Variants in CALCR observed in about 807,000 individuals in gnomAD.
CALCR encodes the protein calcitonin receptor.
A neutral mutation model predicts 59.5 loss-of-function variants in CALCR; 47 were observed. The observed-to-expected ratio is 0.79, with a 90% confidence interval of 0.63 to 1.01. The LOEUF is 1.01. Among genes scored for constraint, CALCR ranks in the 50% least tolerant of loss-of-function variants. The pLI, the probability that CALCR is intolerant of heterozygous loss-of-function variation, is 0.00. For synonymous variants in CALCR, 213 were observed against 211.3 expected (o/e 1.01, Z -0.07); for missense variants, 566 against 597.1 (o/e 0.95, Z 0.54).
intron 8 of CALCR, among the ~76,000 whole-genome samples, chr7:93,450,997 TC>T (rs986956180): frequency 1.3e-5 from 2 of 151,858 alleles, no homozygotes; most frequent in African/African-American, 4.8e-5. Flanking sequence ...GTAATCTTTT[TC>T]CCCCAATTTA....
chr7:93,528,546 C>T (rs562236081), intron 2 of CALCR, among the ~76,000 whole-genome samples: 4 of 152,020 alleles, frequency 2.6e-5, no homozygotes, highest in East Asian at 1.9e-4. Flanking sequence ...TTTGTCCTTG[C>T]GATAGTTTGC....
At chr7:93,523,569 T>C (rs928093819) in intron 2 of CALCR, among the ~76,000 whole-genome samples, 4 of 152,170 alleles carry the variant, frequency 2.6e-5, no homozygotes, top group Non-Finnish European at 4.4e-5. Flanking sequence ...GTCTAATGTC[T>C]TTACCTAGTC....
At chr7:93,546,245 G>A (rs76756145) in intron 2 of CALCR, among the ~76,000 whole-genome samples, 1 of 152,070 alleles carries the variant, frequency 6.6e-6, no homozygotes, top group African/African-American at 2.4e-5. Flanking sequence ...GCTCACACCT[G>A]TTGTCCTGAT....
At chr7:93,434,059 T>C (rs1169327122) in intron 13 of CALCR, among the ~76,000 whole-genome samples, 194 bp downstream of exon 13, 4 of 152,250 alleles carry the variant, frequency 2.6e-5, no homozygotes, top group Non-Finnish European at 5.9e-5. Flanking sequence ...GTCTGAATCA[T>C]ATTTGCCATT....
At chr7:93,464,411 T>C (rs557552564) in intron 7 of CALCR, among the ~76,000 whole-genome samples, 2 of 152,002 alleles carry the variant, frequency 1.3e-5, no homozygotes, top group East Asian at 1.9e-4. Context: ...ATTTCTGTAA[T>C]TGGTACAAGC....
chr7:93,484,629 T>A (rs1342178803), intron 3 of CALCR, among the ~76,000 whole-genome samples: 2 of 151,816 alleles, frequency 1.3e-5, no homozygotes, highest in African/African-American at 4.8e-5. Context: ...CCAGGTAAGA[T>A]CAGATGCCTG....
chr7:93,505,611 G>A (rs773098592), intron 2 of CALCR, among the ~76,000 whole-genome samples: 1 of 152,076 alleles, frequency 6.6e-6, no homozygotes, highest in Non-Finnish European at 1.5e-5. Context: ...TTCCTTCAGG[G>A]AACTTTGCTA....
chr7:93,563,423 G>A (rs1338460077), intron 2 of CALCR, among the ~76,000 whole-genome samples: 1 of 152,134 alleles, frequency 6.6e-6, no homozygotes, highest in African/African-American at 2.4e-5. Context: ...GTTTTGCTAA[G>A]AGTTGTATTT....
chr7:93,452,061 T>C (rs936025353), intron 8 of CALCR, among the ~76,000 whole-genome samples: 3 of 151,902 alleles, frequency 2.0e-5, no homozygotes, highest in East Asian at 3.9e-4. Context: ...AAAAACCAGT[T>C]ATTGGGTACT....
chr7:93,545,845 C>G (rs1056194588), intron 2 of CALCR, among the ~76,000 whole-genome samples: 5 of 152,056 alleles, frequency 3.3e-5, no homozygotes, highest in Non-Finnish European at 7.4e-5. Flanking sequence ...TCACTACACT[C>G]CATGCTTAGG....
chr7:93,466,494 T>C (rs969229293), intron 7 of CALCR, among the ~76,000 whole-genome samples: 1 of 151,926 alleles, frequency 6.6e-6, no homozygotes, highest in Non-Finnish European at 1.5e-5. Context: ...TGAAAACAAG[T>C]ATAAAAATTT....
At chr7:93,516,229 A>C (rs1027115777) in intron 2 of CALCR, among the ~76,000 whole-genome samples, 10 of 151,974 alleles carry the variant, frequency 6.6e-5, no homozygotes, top group Non-Finnish European at 1.0e-4. Context: ...TCCCAAACTT[A>C]TAAGCAAATA....
chr7:93,483,017 T>A (rs1013996134), intron 3 of CALCR, among the ~76,000 whole-genome samples: 2 of 151,796 alleles, frequency 1.3e-5, no homozygotes, highest in African/African-American at 4.8e-5. Context: ...CGTTTATACA[T>A]ACAGTCATCC....
At chr7:93,572,273 T>G (rs1470545772) in intron 2 of CALCR, among the ~76,000 whole-genome samples, 1 of 152,164 alleles carries the variant, frequency 6.6e-6, no homozygotes, top group Non-Finnish European at 1.5e-5. Flanking sequence ...AAACAACATT[T>G]ATTTTTATCA....
chr7:93,507,231 AACACACACAC>A (rs34181575), intron 2 of CALCR, among the ~76,000 whole-genome samples: 3 of 149,838 alleles, frequency 2.0e-5, no homozygotes, highest in African/African-American at 7.4e-5. Context: ...TTCCTTGTTG[AACACACACAC>A]ACACACACAC....
At chr7:93,533,664 C>T (rs1380443718) in intron 2 of CALCR, among the ~76,000 whole-genome samples, 1 of 151,812 alleles carries the variant, frequency 6.6e-6, no homozygotes, top group Non-Finnish European at 1.5e-5. Flanking sequence ...TGGGGAAGCA[C>T]TCTGAAAGGC....
intron 3 of CALCR, among the ~76,000 whole-genome samples, chr7:93,483,073 A>G (rs1487923555): frequency 3.3e-5 from 5 of 151,706 alleles, no homozygotes; most frequent in Non-Finnish European, 7.4e-5. Context: ...TGTGGATACC[A>G]AAATCTGAGG....
chr7:93,558,963 G>A (rs1194732194), intron 2 of CALCR, among the ~76,000 whole-genome samples: 1 of 152,096 alleles, frequency 6.6e-6, no homozygotes, highest in Non-Finnish European at 1.5e-5. Flanking sequence ...CCCTTTGGGT[G>A]ATTCAATTGC....
At position 93,426,561 on chromosome 7, in the gene CALCR, G is replaced by T; in HGVS notation, c.1220C>A (p.Ala407Asp). Residue 407 changes from alanine (A) to aspartate (D), a missense_variant, in exon 14 of 14, where the codon GCC becomes GAC. Coordinates refer to ENST00000426151, the MANE Select transcript of CALCR (RefSeq NM_001742.4). ...CTGGTTCCACTGAATTTTGAATTGG[G>T]CCCATTGGCGCTTCACGGTGGTTTG... ...EVQTTVKRQW[A>D]QFKIQWNQRW... 1 of 1,610,036 alleles carries T rather than the reference G, an allele frequency of 6.2e-7. No individual in the cohort carries two copies. Among genetic ancestry groups the T allele is most frequent in the South Asian group, 1.1e-5 (1 of 90,856 alleles).
Sources: allele counts gnomAD v4.1 joint callset (sites outside exome capture counted in the v4.1 genomes callset), GRCh38; gene constraint gnomAD v4.1.1; transcripts MANE v1.5; gene names NCBI Gene and HGNC (gene_info 2026-07-23, HGNC 2026-07-21).